Variants in SLC24A2 observed in about 807,000 individuals in gnomAD.
SLC24A2 encodes solute carrier family 24 member 2.
Under a neutral mutation model 62.0 loss-of-function variants are expected in SLC24A2, and 36 were observed. That is an observed-to-expected ratio of 0.58 (90% CI 0.44 to 0.77). The LOEUF (loss-of-function observed/expected upper bound fraction) is 0.77, where lower values mean the gene tolerates loss of function less well. Among genes scored for constraint, SLC24A2 ranks in the 30% least tolerant of loss-of-function variants. The pLI is 0.00. For synonymous variants in SLC24A2, 358 were observed against 294.0 expected, an observed-to-expected ratio of 1.22 and a Z score of -2.23; for missense variants, 846 against 817.9, an observed-to-expected ratio of 1.03 and a Z score of -0.42.
chr9:19,850,973 A>G, the SLC24A2 span, among the ~76,000 whole-genome samples: 10 of 47,842 alleles, frequency 2.1e-4, no homozygotes, highest in East Asian at 1.2e-3. Flanking sequence ...ATATGTATAT[A>G]TATATATATA....
intron 7 of SLC24A2, among the ~76,000 whole-genome samples, chr9:19,565,955 A>G (rs946983713): frequency 6.6e-6 from 1 of 151,272 alleles, no homozygotes; most frequent in African/African-American, 2.5e-5. Context: ...ACCTTATACA[A>G]AAATTAATTC....
chr9:20,120,262 A>G, the SLC24A2 span, among the ~76,000 whole-genome samples: 1 of 152,140 alleles, frequency 6.6e-6, no homozygotes, highest in African/African-American at 2.4e-5. Flanking sequence ...CCCTATTAAG[A>G]AGCTTTGCCT....
chr9:19,897,594 A>T, the SLC24A2 span, among the ~76,000 whole-genome samples: 1 of 152,188 alleles, frequency 6.6e-6, no homozygotes, highest in Non-Finnish European at 1.5e-5. Flanking sequence ...GGCAACAAAC[A>T]TGTGTCCTCA....
the SLC24A2 span, among the ~76,000 whole-genome samples, chr9:20,055,799 G>C: frequency 1.3e-5 from 2 of 152,128 alleles, no homozygotes; most frequent in Non-Finnish European, 2.9e-5. Context: ...TGAGGCAGGA[G>C]AATCGCTTGA....
the SLC24A2 span, among the ~76,000 whole-genome samples, chr9:19,888,933 G>A: frequency 9.8e-5 from 15 of 152,292 alleles, no homozygotes; most frequent in Non-Finnish European, 1.8e-4. Flanking sequence ...CTAACCCTGT[G>A]ACACAGGTAT....
At chr9:20,050,240 C>CGAA in the SLC24A2 span, among the ~76,000 whole-genome samples, 780 of 59,544 alleles carry the variant, frequency 0.013, 12 homozygotes, top group African/African-American at 0.043. Context: ...CCCGTCTCTA[C>CGAA]AAAAAAAAAA....
the SLC24A2 span, among the ~76,000 whole-genome samples, chr9:20,125,704 C>T: frequency 6.6e-6 from 1 of 152,130 alleles, no homozygotes; most frequent in African/African-American, 2.4e-5. Context: ...GGCTCCAGAG[C>T]ACTCTAGCCC....
the SLC24A2 span, chr9:19,926,059 C>T: frequency 6.6e-6 from 1 of 152,100 alleles, no homozygotes; most frequent in Non-Finnish European, 1.5e-5. Context: ...TCGAGTTACC[C>T]TTTGTGTTGA....
the SLC24A2 span, among the ~76,000 whole-genome samples, chr9:19,902,134 C>T: frequency 2.6e-5 from 4 of 152,198 alleles, no homozygotes; most frequent in East Asian, 5.8e-4. Flanking sequence ...GCTACTTTAA[C>T]ATTAATGCTG....
the SLC24A2 span, among the ~76,000 whole-genome samples, chr9:20,081,953 T>C: frequency 6.6e-6 from 1 of 152,214 alleles, no homozygotes; most frequent in South Asian, 2.1e-4. Flanking sequence ...AGCCCTGATA[T>C]GTACTACTGG....
chr9:19,907,208 A>C, the SLC24A2 span, among the ~76,000 whole-genome samples: 1 of 152,250 alleles, frequency 6.6e-6, no homozygotes, highest in Non-Finnish European at 1.5e-5. Context: ...GCATATAAAC[A>C]GAACCAATGA....
intron 7 of SLC24A2, among the ~76,000 whole-genome samples, chr9:19,565,568 C>T (rs1323421401): frequency 6.6e-6 from 1 of 151,762 alleles, no homozygotes; most frequent in Non-Finnish European, 1.5e-5. Context: ...TCAATGCCAT[C>T]CCCATCAAGC....
At chr9:20,178,342 C>T in the SLC24A2 span, among the ~76,000 whole-genome samples, 255 of 152,230 alleles carry the variant, frequency 1.7e-3, 1 homozygote, top group African/African-American at 6.0e-3. Flanking sequence ...TGCTGTCTGC[C>T]TCCCCAGTGC....
the SLC24A2 span, among the ~76,000 whole-genome samples, chr9:20,097,268 T>G: frequency 7.2e-5 from 11 of 152,188 alleles, no homozygotes; most frequent in Admixed American, 2.0e-4. Flanking sequence ...AGTACTCCAA[T>G]TGCCCGATAA....
chr9:20,149,912 T>A, the SLC24A2 span, among the ~76,000 whole-genome samples: 1 of 151,980 alleles, frequency 6.6e-6, no homozygotes, highest in Non-Finnish European at 1.5e-5. Context: ...CAGTCACGGG[T>A]GATAGTCATT....
chr9:19,820,009 G>GTATATA, the SLC24A2 span, among the ~76,000 whole-genome samples: 4 of 109,034 alleles, frequency 3.7e-5, no homozygotes, highest in African/African-American at 1.2e-4. Context: ...ATATATATGT[G>GTATATA]TATATATATA....
rs1403679006 is a variant in SLC24A2 at position 19,786,517 on chromosome 9, T to G, written c.350A>C (p.Gln117Pro). 5 of 1,614,108 alleles carry G rather than the reference T, an allele frequency of 3.1e-6. No individual in the cohort carries two copies. In the African/African-American group the frequency reaches 5.3e-5, roughly 17 times the overall value. ...AAAGATGTCTTTCGGGTAGTCTCCT[T>G]GGGCGTGATCTGTACTATTCTCAGA... is the stretch of plus-strand genomic sequence containing the variant. ...GESENSTDHA[Q>P]GDYPKDIFSL... Residue 117 changes from glutamine to proline, a missense_variant, in exon 2 of 11, where the codon CAA becomes CCA. Transcript: ENST00000341998. The surrounding 1 kb of genome is among the most constrained non-coding windows in gnomAD (Gnocchi z 5.0).
upstream of SLC24A2, among the ~76,000 whole-genome samples, chr9:19,791,164 T>C (rs1390091713): frequency 2.0e-5 from 3 of 152,234 alleles, no homozygotes; most frequent in Admixed American, 1.3e-4. Flanking sequence ...CCAGATCTTT[T>C]GATCTGTCTT....
intron 4 of SLC24A2, among the ~76,000 whole-genome samples, chr9:19,601,728 T>C (rs1836846363): frequency 6.6e-6 from 1 of 152,184 alleles, no homozygotes; most frequent in Non-Finnish European, 1.5e-5. Context: ...GTTTGGAGCC[T>C]TACAGACCTT....
Sources: gnomAD v4.1 joint callset for allele counts (sites outside exome capture counted in the v4.1 genomes callset) on GRCh38, gnomAD v4.1.1 for gene constraint, Gnocchi (gnomAD v3.1) non-coding constraint, MANE v1.5 for transcripts, NCBI Gene and HGNC (gene_info 2026-07-23, HGNC 2026-07-21) for gene names.